The following DNAH14 variants were observed in gnomAD, a reference collection of about 807,000 sequenced individuals.
DNAH14 encodes axonemal beta dynein heavy chain 14.
Under a neutral mutation model 520.9 loss-of-function variants are expected in DNAH14, and 478 were observed. The ratio of observed to expected loss-of-function variants is 0.92; its 90% CI spans 0.85 to 0.99. DNAH14 has a LOEUF of 0.99. Ranked by LOEUF, DNAH14 falls within the 50% of genes least tolerant of loss-of-function variation. The pLI, the probability that DNAH14 is intolerant of heterozygous loss-of-function variation, is 0.00. For synonymous variants in DNAH14, 1,581 were observed against 1,757.2 expected (o/e 0.90, Z 2.51); for missense variants, 4,831 against 5,234.5 (o/e 0.92, Z 2.38).
intron 77 of DNAH14, among the ~76,000 whole-genome samples, chr1:225,373,759 G>A (rs752482590): frequency 4.7e-4 from 72 of 151,966 alleles, no homozygotes; most frequent in Non-Finnish European, 9.3e-4. Flanking sequence ...TGCCTGCTTT[G>A]CCTATTCAAA....
intron 52 of DNAH14, among the ~76,000 whole-genome samples, chr1:225,275,585 G>A (rs796072759): frequency 1.1e-4 from 16 of 152,272 alleles, no homozygotes; most frequent in East Asian, 5.8e-4. Context: ...GGAACTACAA[G>A]ATATTTCTAG....
Position 225,089,624 on chromosome 1 carries a change from G to A in DNAH14, c.3573+3835G>A, listed in dbSNP as rs182542273. 5.9e-5 allele frequency among the ~76,000 whole-genome samples: 9 copies of A among 152,090 alleles called. No individual in the cohort carries two copies. In the East Asian group the frequency reaches 1.5e-3, roughly 26 times the overall value. ...TCAAGTCCGTCAATATACAGAGAAT[G>A]TTGTATTATTACCAAGAGAGATTAA... On this transcript the variant is annotated intron_variant, in intron 21 of 85. Coordinates refer to ENST00000682510, the MANE Select transcript of DNAH14 (RefSeq NM_001367479.1).
chr1:225,341,135 T>G (rs1226530669), intron 69 of DNAH14, among the ~76,000 whole-genome samples: 4 of 152,134 alleles, frequency 2.6e-5, no homozygotes, highest in African/African-American at 9.7e-5. Flanking sequence ...TAGACAGTCT[T>G]ACTCCATCAC....
At chr1:225,221,543 G>GA (rs2090050689) in intron 41 of DNAH14, among the ~76,000 whole-genome samples, 2 of 152,070 alleles carry the variant, frequency 1.3e-5, no homozygotes, top group African/African-American at 4.8e-5. Flanking sequence ...CAACAAACAT[G>GA]AAAAAAAGCT....
At chr1:225,154,068 A>G (rs918398329) in intron 34 of DNAH14, among the ~76,000 whole-genome samples, 3 of 152,230 alleles carry the variant, frequency 2.0e-5, no homozygotes, top group Non-Finnish European at 2.9e-5. Flanking sequence ...AATAAAAGAT[A>G]TAATGGAAAA....
At chr1:225,290,998 C>T (rs2093875858) in intron 55 of DNAH14, among the ~76,000 whole-genome samples, 1 of 151,780 alleles carries the variant, frequency 6.6e-6, no homozygotes, top group Non-Finnish European at 1.5e-5. Context: ...TTTTGTATCC[C>T]TTAAAAAATC....
chr1:225,112,819 T>G (rs1043296833), intron 23 of DNAH14, among the ~76,000 whole-genome samples: 1 of 152,094 alleles, frequency 6.6e-6, no homozygotes, highest in Non-Finnish European at 1.5e-5. Flanking sequence ...ACAGAATTTC[T>G]GCTTGATTCT....
intron 8 of DNAH14, among the ~76,000 whole-genome samples, chr1:224,984,456 A>T (rs557217428): frequency 1.3e-5 from 2 of 152,322 alleles, no homozygotes; most frequent in Non-Finnish European, 2.9e-5. Context: ...ATAACATTGG[A>T]AAAACCTTTC....
chr1:225,082,791 AT>A lies in DNAH14; in HGVS notation c.3327+56del, dbSNP rs2148595197. 11 of 1,425,724 alleles carry A rather than the reference AT, an allele frequency of 7.7e-6. No homozygotes were observed. In the South Asian group the frequency reaches 1.3e-4, roughly 17 times the overall value. 88.3% of individuals were successfully genotyped at this position (1,425,724 alleles called of 1,614,324 possible). A position where few individuals can be genotyped will look rare whatever the true frequency, so the allele number is the denominator to read the frequency against. On this transcript the variant is annotated intron_variant, in intron 20 of 85. Transcript: ENST00000682510. ...ATAGGTTGAAATACCAGATGGGCCAATTTTAAATAGGCGAGTAAATATACAA... is the reference window on the plus strand; with the variant it reads ...ATAGGTTGAAATACCAGATGGGCCAATTTAAATAGGCGAGTAAATATACAA...
chr1:225,099,639 G>A (rs1573060334), intron 22 of DNAH14, among the ~76,000 whole-genome samples: 1 of 152,020 alleles, frequency 6.6e-6, no homozygotes, highest in Non-Finnish European at 1.5e-5. Flanking sequence ...TTCCAAGCTA[G>A]AGCCATCTTG....
chr1:224,950,529 A>C (rs1244575667), intron 1 of DNAH14, among the ~76,000 whole-genome samples: 1 of 152,176 alleles, frequency 6.6e-6, no homozygotes, highest in Non-Finnish European at 1.5e-5. Context: ...AAAGTAGCTC[A>C]TTTAATTTTT....
At chr1:224,936,076 G>A (rs1001790934) in intron 1 of DNAH14, among the ~76,000 whole-genome samples, 3 of 151,644 alleles carry the variant, frequency 2.0e-5, no homozygotes, top group Non-Finnish European at 4.4e-5. Context: ...AGTGCTAATG[G>A]GGAATTTTAT....
chr1:225,342,673 A>G (rs2095213040), intron 69 of DNAH14, among the ~76,000 whole-genome samples: 1 of 136,072 alleles, frequency 7.3e-6, no homozygotes. Flanking sequence ...AGTAAGATCC[A>G]TTTCTCATAA....
chr1:225,124,638 C>T (rs2077552419), intron 27 of DNAH14, among the ~76,000 whole-genome samples: 2 of 152,166 alleles, frequency 1.3e-5, no homozygotes, highest in South Asian at 4.1e-4. Context: ...ATTTCCACCA[C>T]ATCTACAGTT....
chr1:225,385,979 A>G (rs1164247326), intron 81 of DNAH14, among the ~76,000 whole-genome samples: 1 of 152,234 alleles, frequency 6.6e-6, no homozygotes, highest in Non-Finnish European at 1.5e-5. Flanking sequence ...ACTTCAAACT[A>G]TGCTACAAGG....
In DNAH14 at chr1:224,967,564, C is replaced by T. The variant is rs769978167; in HGVS notation, c.632C>T (p.Thr211Ile). 1 of 1,601,860 alleles carries T rather than the reference C, an allele frequency of 6.2e-7. No individual in the cohort carries two copies. The highest frequency in any genetic ancestry group is 1.3e-5 in the African/African-American group (1 of 74,132). The change falls in exon 6 of 86, where the codon ACT becomes ATT. Residue 211 changes from threonine (T) to isoleucine (I), a missense_variant. Transcript: ENST00000682510. The part of the protein sequence containing the change: ...AKHCKEFWVI[T>I]ASFISKVINI... ...CATTGCAAAGAATTTTGGGTTATTA[C>T]TGCTTCATTTATCTCAAAGGTAATG...
At chr1:225,186,153 C>T (rs1463797373) in intron 37 of DNAH14, among the ~76,000 whole-genome samples, 1 of 151,618 alleles carries the variant, frequency 6.6e-6, no homozygotes, top group African/African-American at 2.4e-5. Flanking sequence ...ACTTCAATTA[C>T]TTAGTTAATG....
chr1:225,044,886 C>T (rs1222474503), intron 15 of DNAH14, among the ~76,000 whole-genome samples: 1 of 152,088 alleles, frequency 6.6e-6, no homozygotes, highest in Non-Finnish European at 1.5e-5. Flanking sequence ...AACAACTGTG[C>T]TCTCTTGTTG....
Position 225,324,850 on chromosome 1 carries a change from G to A in DNAH14, c.9723+18G>A. On this transcript the variant is annotated intron_variant, in intron 64 of 85. Transcript: ENST00000682510. ...TACAGCTGGTAAGAAATACAGTTCA[G>A]TTCTCAAAATAAGACAAAACACCAG... 1 of 1,538,854 alleles carries A rather than the reference G, an allele frequency of 6.5e-7. No homozygotes were observed. Among genetic ancestry groups the A allele is most frequent in the Non-Finnish European group, 8.8e-7 (1 of 1,136,248 alleles).
Sources: gnomAD v4.1 joint callset for allele counts (sites outside exome capture counted in the v4.1 genomes callset) on GRCh38, gnomAD v4.1.1 for gene constraint, MANE v1.5 for transcripts, NCBI Gene and HGNC (gene_info 2026-07-23, HGNC 2026-07-21) for gene names.